CNPY3: variants seen among roughly 807,000 people sequenced by gnomAD.
The protein encoded by CNPY3 is protein canopy homolog 3.
Under a neutral mutation model 32.0 loss-of-function variants are expected in CNPY3, and 20 were observed. The observed-to-expected ratio is 0.63, with a 90% confidence interval of 0.44 to 0.91. CNPY3 has a LOEUF of 0.91. Ranked by LOEUF, CNPY3 falls within the 40% of genes least tolerant of loss-of-function variation. The probability of loss-of-function intolerance (pLI) is 0.00; values close to 1 mark genes in which losing one functional copy is unlikely to be tolerated. For missense variants in CNPY3, 299 were observed against 340.8 expected (o/e 0.88, Z 0.97); for synonymous variants, 138 against 142.9 (o/e 0.97, Z 0.24).
At chr6:42,936,758 ACTC>A (rs915421569) in intron 3 of CNPY3, among the ~76,000 whole-genome samples, 5 of 152,008 alleles carry the variant, frequency 3.3e-5, no homozygotes, top group African/African-American at 1.2e-4. Context: ...GGGGTCTCGA[ACTC>A]CTGACCTCAG....
At chr6:42,931,717 A>C (rs896472859) in intron 1 of CNPY3, among the ~76,000 whole-genome samples, 11 of 149,960 alleles carry the variant, frequency 7.3e-5, no homozygotes, top group East Asian at 5.9e-4. Flanking sequence ...TTTCTGTCTT[A>C]TTATTATTAT....
At position 42,929,591 on chromosome 6, in the gene CNPY3, C is replaced by T. The variant is rs1290733420; in HGVS notation, c.21C>T (p.Pro7=). The change falls in exon 1 of 6, where the codon CCC becomes CCT. Residue 7 remains proline, a synonymous_variant. Coordinates refer to ENST00000372836, the MANE Select transcript of CNPY3 (RefSeq NM_006586.5). The stretch of plus-strand genomic sequence containing the variant: ...GGGCCATGGATTCAATGCCTGAGCC[C>T]GCGTCCCGCTGTCTTCTGCTTCTTC... The part of the protein sequence containing the change: MDSMPE[P]ASRCLLLLPL... 6.3e-7 allele frequency: 1 copy of T among 1,574,912 alleles called. No individual in the cohort carries two copies. Among genetic ancestry groups the T allele is most frequent in the African/African-American group, 1.3e-5 (1 of 74,568 alleles).
At chr6:42,937,585 A>T in intron 3 of CNPY3, 132 bp from the exon 4 acceptor site, 7 of 971,246 alleles carry the variant, frequency 7.2e-6, no homozygotes, top group Non-Finnish European at 1.1e-5. Flanking sequence ...TCCTTCTCAA[A>T]AAAAAAAGGA....
At chr6:42,930,807 TGCTTTAGAGATAAGCC>T (rs1041564405) in intron 1 of CNPY3, among the ~76,000 whole-genome samples, 1 of 152,196 alleles carries the variant, frequency 6.6e-6, no homozygotes, top group Non-Finnish European at 1.5e-5. Context: ...ATTAAAAGGA[TGCTTTAGAGATAAGCC>T]GACTTCACTG....
intron 3 of CNPY3, among the ~76,000 whole-genome samples, 169 bp from the exon 4 acceptor site, chr6:42,937,548 G>A (rs1282855194): frequency 2.0e-5 from 3 of 151,820 alleles, no homozygotes; most frequent in Non-Finnish European, 4.4e-5. Flanking sequence ...GAGCTGAGAC[G>A]CTCCAACCTG....
In CNPY3 at chr6:42,929,619, TTGCTGCTGCTGC is replaced by T. The variant is rs570105218; in HGVS notation, c.65_76del (p.Leu22_Leu25del). On this transcript the variant is annotated inframe_deletion, in exon 1 of 6. Coordinates refer to ENST00000372836, the MANE Select transcript of CNPY3 (RefSeq NM_006586.5). ...GTCCCGCTGTCTTCTGCTTCTTCCC[TTGCTGCTGCTGC>T]TGCTGCTGCTGCTGCCGGCCCCGGA... The T allele has an allele frequency of 2.3e-4, 352 of 1,560,586 alleles. No homozygotes were observed. In the East Asian group the frequency reaches 5.7e-3, roughly 25 times the overall value.
At chr6:42,936,940 A>G (rs1384062127) in intron 3 of CNPY3, among the ~76,000 whole-genome samples, 1 of 152,142 alleles carries the variant, frequency 6.6e-6, no homozygotes, top group Non-Finnish European at 1.5e-5. Context: ...TGGTATTTGT[A>G]TGAGTTATCT....
At chr6:42,937,393 A>G (rs1168858462) in intron 3 of CNPY3, among the ~76,000 whole-genome samples, 1 of 152,086 alleles carries the variant, frequency 6.6e-6, no homozygotes, top group East Asian at 1.9e-4. Flanking sequence ...ACTTGATGCT[A>G]GGAGTTCGAG....
chr6:42,930,589 ATTTC>A (rs775219914), intron 1 of CNPY3, among the ~76,000 whole-genome samples: 7 of 152,184 alleles, frequency 4.6e-5, no homozygotes, highest in Non-Finnish European at 8.8e-5. Context: ...TAAAGGACCT[ATTTC>A]TTTTTCCTCA....
upstream of CNPY3, chr6:42,929,433 G>T: frequency 1.1e-6 from 1 of 923,760 alleles, no homozygotes; most frequent in Non-Finnish European, 1.6e-6. Context: ...GCGAGAGGAG[G>T]GCGGGCGGGA....
At chr6:42,933,206 C>A (rs1288035950) in intron 1 of CNPY3, among the ~76,000 whole-genome samples, 4 of 149,720 alleles carry the variant, frequency 2.7e-5, no homozygotes, top group Non-Finnish European at 4.4e-5. Flanking sequence ...GGCAGAGAAG[C>A]CCTTAGAAGG....
chr6:42,928,806 T>C (rs1225244485), upstream of CNPY3, among the ~76,000 whole-genome samples: 1 of 152,202 alleles, frequency 6.6e-6, no homozygotes, highest in Non-Finnish European at 1.5e-5. Flanking sequence ...CGATAAGCTT[T>C]AATTCTATTA....
At chr6:42,934,151 T>C (rs1768040343) in intron 1 of CNPY3, among the ~76,000 whole-genome samples, 1 of 148,034 alleles carries the variant, frequency 6.8e-6, no homozygotes, top group South Asian at 2.1e-4. Context: ...AAACTCCATC[T>C]CAAAAAAAAA....
intron 1 of CNPY3, among the ~76,000 whole-genome samples, chr6:42,931,183 C>T (rs927880256): frequency 6.6e-6 from 1 of 150,652 alleles, no homozygotes; most frequent in Non-Finnish European, 1.5e-5. Context: ...AGCCTCTGCT[C>T]CTGGCCGCCC....
chr6:42,937,984 C>A, intron 4 of CNPY3, 106 bp from the exon 5 acceptor site: 1 of 1,445,092 alleles, frequency 6.9e-7, no homozygotes, highest in African/African-American at 1.4e-5. Flanking sequence ...CTTAGGTGAA[C>A]CGCTGCCACT....
Position 42,929,496 on chromosome 6 carries a change from C to T in CNPY3, c.-75C>T. ...GGCACGTGTGCAGTCCCGGAAGCGG[C>T]GAGGGGAAACTGCTCCGCGCGCGCC... On this transcript the variant is annotated 5_prime_UTR_variant, in exon 1 of 6. Coordinates refer to ENST00000372836, the MANE Select transcript of CNPY3 (RefSeq NM_006586.5). The T allele has an allele frequency of 1.4e-6, 2 of 1,445,808 alleles. No individual in the cohort carries two copies. Among genetic ancestry groups the T allele is most frequent in the Non-Finnish European group, 1.8e-6 (2 of 1,085,054 alleles). The allele number at this position is 1,445,808 out of a possible 1,614,324, so 89.6% of individuals were successfully genotyped here.
chr6:42,935,231 T>C (rs1024143728), intron 2 of CNPY3, among the ~76,000 whole-genome samples: 1 of 152,204 alleles, frequency 6.6e-6, no homozygotes, highest in Admixed American at 6.5e-5. Context: ...TAGGTACAAA[T>C]ATAGTTTTTA....
At chr6:42,936,599 G>A (rs1301729432) in intron 3 of CNPY3, among the ~76,000 whole-genome samples, 3 of 152,138 alleles carry the variant, frequency 2.0e-5, no homozygotes, top group Non-Finnish European at 4.4e-5. Flanking sequence ...GCAGTGGTGC[G>A]ATCTCAGTTC....
rs1768144205 is a variant in CNPY3, at chr6:42,935,370, C to G, written c.276-204C>G. ...TTTAGCTTTATAAAAAATTCCTTCC[C>G]TTAGAGCTGTTAAAATTTTGTCTCT... is the stretch of plus-strand genomic sequence containing the variant. On this transcript the variant is annotated intron_variant, in intron 2 of 5. Coordinates refer to ENST00000372836, the MANE Select transcript of CNPY3 (RefSeq NM_006586.5). 3.1e-6 allele frequency: 3 copies of G among 969,212 alleles called. No individual in the cohort carries two copies. In the Admixed American group the frequency reaches 1.9e-4, roughly 60 times the overall value. The allele number at this position is 969,212 out of a possible 1,614,324, so 60.0% of individuals were successfully genotyped here. A position where few individuals can be genotyped will look rare whatever the true frequency, so the allele number is the denominator to read the frequency against.
Sources: gnomAD v4.1 joint callset for allele counts (sites outside exome capture counted in the v4.1 genomes callset) on GRCh38, gnomAD v4.1.1 for gene constraint, MANE v1.5 for transcripts, NCBI Gene and HGNC (gene_info 2026-07-23, HGNC 2026-07-21) for gene names.